The following KSR1 variants were observed in gnomAD, a reference collection of about 807,000 sequenced individuals.
KSR1 encodes the protein kinase suppressor of ras 1, also known as kinase suppressor of ras.
In KSR1, 35 loss-of-function variants were observed where a neutral mutation model predicts 92.9. The ratio of observed to expected loss-of-function variants is 0.38; its 90% CI spans 0.29 to 0.50. The LOEUF (loss-of-function observed/expected upper bound fraction) is 0.50. Among genes scored for constraint, KSR1 ranks in the 20% least tolerant of loss-of-function variants. The pLI is 0.94. For synonymous variants in KSR1, 467 were observed against 472.6 expected (o/e 0.99, Z 0.15); for missense variants, 972 against 1,158.5 (o/e 0.84, Z 2.34).
chr17:27,548,651 GA>G, intron 1 of KSR1, among the ~76,000 whole-genome samples: 1 of 152,220 alleles, frequency 6.6e-6, no homozygotes, highest in East Asian at 1.9e-4. Flanking sequence ...CCAACATGGC[GA>G]AAACCCGTCT....
At chr17:27,462,407 C>T (rs1005934333) in intron 1 of KSR1, among the ~76,000 whole-genome samples, 13 of 152,164 alleles carry the variant, frequency 8.5e-5, no homozygotes, top group African/African-American at 3.1e-4. Flanking sequence ...GAGGGCATTC[C>T]GTGGCTCAAC....
rs2019171643 is a variant in KSR1 at position 27,456,600 on chromosome 17, C to T, written c.-44C>T. ...GGGGTTCCTTGCCGAGGCGCCCGCG[C>T]CCCGGGCTCCCAGCCTCGGCCGCCG... is the stretch of plus-strand genomic sequence containing the variant. On this transcript the variant is annotated 5_prime_UTR_variant, in exon 1 of 21. Transcript: ENST00000644974. 7 of 465,820 alleles carry T rather than the reference C, an allele frequency of 1.5e-5. No individual in the cohort carries two copies. The South Asian group carries it at 2.6e-4, about 17-fold the overall frequency. The allele number at this position is 465,820 out of a possible 1,614,324, so 28.9% of individuals were successfully genotyped here. A position where few individuals can be genotyped will look rare whatever the true frequency, so the allele number is the denominator to read the frequency against.
intron 2 of KSR1, among the ~76,000 whole-genome samples, chr17:27,560,041 G>C (rs2071759193): frequency 6.6e-6 from 1 of 152,236 alleles, no homozygotes; most frequent in Admixed American, 6.5e-5. Context: ...GAGAGTGACG[G>C]GGTGAGGAGC....
chr17:27,560,411 G>A (rs1314758810), intron 2 of KSR1: 2 of 518,938 alleles, frequency 3.9e-6, no homozygotes, highest in Non-Finnish European at 7.7e-6. Context: ...CCCTGAATAA[G>A]CTCTTACTGC....
chr17:27,548,239 A>C (rs934912096), intron 1 of KSR1, among the ~76,000 whole-genome samples: 1 of 151,686 alleles, frequency 6.6e-6, no homozygotes, highest in Non-Finnish European at 1.5e-5. Context: ...CAAAAAAAAA[A>C]AAAAAAGATA....
Position 27,592,411 on chromosome 17 carries a change from C to G in KSR1, c.1181C>G (p.Ser394Cys). The change falls in exon 8 of 21, where the codon TCC (serine) becomes TGC (cysteine). Residue 394 changes from serine (S) to cysteine (C), a missense_variant. Transcript: ENST00000644974. ...CTKEAPACRI[S>C]FLPLTRLRRT... is the part of the protein sequence containing the mutation. ...AAAGAAGCCCCTGCCTGTAGAATAT[C>G]CTTCCTGCCACGTGAGTTTTCTGCC... 6.2e-7 allele frequency: 1 copy of G among 1,613,938 alleles called. No homozygotes were observed. Among genetic ancestry groups the G allele is most frequent in the Non-Finnish European group, 8.5e-7 (1 of 1,179,830 alleles).
rs186530340 is a variant in KSR1 at position 27,607,400 on chromosome 17, C to T, written c.1995-514C>T. ...GACCCCAGAACTGAAGCTCCTTTTC[C>T]AGTAGTCACCTTGACGCCCCTAACA... On this transcript the variant is annotated intron_variant, in intron 14 of 20. Transcript: ENST00000644974. 8.7e-3 allele frequency among the ~76,000 whole-genome samples: 1,323 copies of T among 152,236 alleles called. 7 individuals carry two copies. Among genetic ancestry groups the T allele is most frequent in the Non-Finnish European group, 0.014 (933 of 68,010 alleles).
chr17:27,620,966 A>G (rs1206114421), intron 19 of KSR1: 1 of 374,362 alleles, frequency 2.7e-6, no homozygotes, highest in Admixed American at 4.6e-5. Context: ...TCCTGTTCAC[A>G]GTGTTTACTT....
At chr17:27,500,928 G>C (rs2150980409) in intron 1 of KSR1, among the ~76,000 whole-genome samples, 1 of 152,330 alleles carries the variant, frequency 6.6e-6, no homozygotes, top group Non-Finnish European at 1.5e-5. Context: ...TGAAGCTCCA[G>C]GATGCAGGAT....
intron 1 of KSR1, among the ~76,000 whole-genome samples, chr17:27,491,886 C>G (rs2068842936): frequency 6.6e-6 from 1 of 152,056 alleles, no homozygotes; most frequent in African/African-American, 2.4e-5. Context: ...CAGGCTGGCT[C>G]CAGGGCTACA....
At chr17:27,588,261 C>A in intron 5 of KSR1, 1 of 368,974 alleles carries the variant, frequency 2.7e-6, no homozygotes, top group Non-Finnish European at 4.9e-6. Context: ...AGGCCAGGAG[C>A]AAGCTAGAGG....
At chr17:27,484,493 A>G in intron 1 of KSR1, among the ~76,000 whole-genome samples, 1 of 152,198 alleles carries the variant, frequency 6.6e-6, no homozygotes, top group Admixed American at 6.5e-5. Flanking sequence ...CGTGCTGGGC[A>G]TTACAGGCGT....
intron 15 of KSR1, 93 bp downstream of exon 15, chr17:27,608,103 T>G: frequency 1.2e-6 from 1 of 850,636 alleles, no homozygotes; most frequent in East Asian, 2.7e-5. Context: ...GTTAGGGTGG[T>G]TTGGGCAGCT....
chr17:27,591,384 AGT>A (rs2073161484), intron 7 of KSR1, among the ~76,000 whole-genome samples: 1 of 152,176 alleles, frequency 6.6e-6, no homozygotes, highest in Admixed American at 6.5e-5. Context: ...GGCTAGGCAG[AGT>A]GTGTCCCCTG....
At chr17:27,611,371 C>T (rs1168830721) in intron 17 of KSR1, 123 bp from the exon 18 acceptor site, 35 of 1,295,942 alleles carry the variant, frequency 2.7e-5, no homozygotes, top group Non-Finnish European at 3.6e-5. Context: ...CCCCTGAAGC[C>T]AAGTGGGTGA....
Position 27,549,165 on chromosome 17 carries a change from A to C in KSR1, c.232-1403A>C, listed in dbSNP as rs115544190. Among the ~76,000 whole-genome samples, 578 of 152,374 alleles carry C rather than the reference A, an allele frequency of 3.8e-3. 8 individuals carry two copies. Among genetic ancestry groups the C allele is most frequent in the African/African-American group, 0.013 (546 of 41,600 alleles). On this transcript the variant is annotated intron_variant, in intron 1 of 20. Transcript: ENST00000644974. ...GGAATGAATTAACACCACAACCATGAGGGACAGCAGGGTTGAGAAGTGTCT... is the reference window on the plus strand; with the variant it reads ...GGAATGAATTAACACCACAACCATGCGGGACAGCAGGGTTGAGAAGTGTCT...
At chr17:27,489,816 A>G (rs2068767820) in intron 1 of KSR1, among the ~76,000 whole-genome samples, 1 of 152,178 alleles carries the variant, frequency 6.6e-6, no homozygotes, top group South Asian at 2.1e-4. Flanking sequence ...AGTAGGGAAG[A>G]TGGGGGCCCA....
chr17:27,588,219 A>G (rs2151183554), intron 5 of KSR1: 2 of 307,080 alleles, frequency 6.5e-6, no homozygotes, highest in South Asian at 8.4e-5. Context: ...ATCTGGAAAC[A>G]TCACAGGGGC....
At chr17:27,458,212 C>T (rs2019271272) in intron 1 of KSR1, among the ~76,000 whole-genome samples, 1 of 152,200 alleles carries the variant, frequency 6.6e-6, no homozygotes, top group Non-Finnish European at 1.5e-5. Flanking sequence ...GGCCTTTCTG[C>T]ATGCATGCTG....
Sources: gnomAD v4.1 joint callset for allele counts (sites outside exome capture counted in the v4.1 genomes callset) on GRCh38, gnomAD v4.1.1 for gene constraint, MANE v1.5 for transcripts, NCBI Gene and HGNC (gene_info 2026-07-23, HGNC 2026-07-21) for gene names.